The following PKIA variants were observed in gnomAD, a reference collection of about 807,000 sequenced individuals.
PKIA encodes PKI-alpha.
Under a neutral mutation model 7.6 loss-of-function variants are expected in PKIA, and 4 were observed. That is an observed-to-expected ratio of 0.52 (90% CI 0.26 to 1.20). The LOEUF (loss-of-function observed/expected upper bound fraction) is 1.20. Among genes scored for constraint, PKIA ranks in the 50% most tolerant of loss-of-function variants. The probability of loss-of-function intolerance (pLI) is 0.13; values close to 1 mark genes in which losing one functional copy is unlikely to be tolerated. For synonymous variants in PKIA, 21 were observed against 30.7 expected (o/e 0.68, Z 1.04); for missense variants, 73 against 86.2 (o/e 0.85, Z 0.61).
At chr8:78,568,748 A>C (rs1378841357) in intron 1 of PKIA, among the ~76,000 whole-genome samples, 1 of 152,184 alleles carries the variant, frequency 6.6e-6, no homozygotes, top group Non-Finnish European at 1.5e-5. Context: ...CCAAAGTATG[A>C]GAAAAGAGAT....
intron 1 of PKIA, among the ~76,000 whole-genome samples, chr8:78,538,593 T>C (rs1188118300): frequency 1.3e-5 from 2 of 152,028 alleles, no homozygotes; most frequent in African/African-American, 4.8e-5. Context: ...GTGTCAGGTA[T>C]ACGGTAGTAG....
At chr8:78,569,169 G>A (rs1807491598) in intron 1 of PKIA, among the ~76,000 whole-genome samples, 1 of 152,152 alleles carries the variant, frequency 6.6e-6, no homozygotes, top group African/African-American at 2.4e-5. Context: ...CCTGGGGTCA[G>A]GGGAGACCAG....
At chr8:78,558,909 T>A (rs1807216346) in intron 1 of PKIA, among the ~76,000 whole-genome samples, 1 of 152,094 alleles carries the variant, frequency 6.6e-6, no homozygotes, top group South Asian at 2.1e-4. Context: ...ATTTAATACA[T>A]TATGGGTTTG....
At chr8:78,576,558 C>T (rs1391389863) in intron 2 of PKIA, among the ~76,000 whole-genome samples, 14 of 151,808 alleles carry the variant, frequency 9.2e-5, no homozygotes, top group Non-Finnish European at 7.4e-5. Context: ...CCATTAGCCA[C>T]GTGTTTTTTT....
chr8:78,548,552 T>C (rs1806892930), intron 1 of PKIA, among the ~76,000 whole-genome samples: 1 of 152,108 alleles, frequency 6.6e-6, no homozygotes, highest in South Asian at 2.1e-4. Flanking sequence ...TACATCCACC[T>C]CACGTAGATC....
chr8:78,601,985 T>C lies in PKIA; in HGVS notation c.*164T>C. 1 of 600,520 alleles carries C rather than the reference T, an allele frequency of 1.7e-6. No individual in the cohort carries two copies. 37.2% of individuals were successfully genotyped at this position (600,520 alleles called of 1,614,324 possible). A position where few individuals can be genotyped will look rare whatever the true frequency, so the allele number is the denominator to read the frequency against. On this transcript the variant is annotated 3_prime_UTR_variant, in exon 4 of 4. Transcript: ENST00000396418. ...TAAAAATGAGGGCAGAGGCTGTGGC[T>C]GCAGGCAGACTTTTCCCTACCTCTG... is the stretch of plus-strand genomic sequence containing the variant.
At chr8:78,565,827 G>T (rs1429470042) in intron 1 of PKIA, among the ~76,000 whole-genome samples, 1 of 151,838 alleles carries the variant, frequency 6.6e-6, no homozygotes, top group African/African-American at 2.4e-5. Flanking sequence ...TTTCCTGACT[G>T]TGAGTTTCCA....
At chr8:78,537,873 T>C (rs766144984) in intron 1 of PKIA, among the ~76,000 whole-genome samples, 12 of 152,072 alleles carry the variant, frequency 7.9e-5, no homozygotes, top group Non-Finnish European at 1.5e-4. Context: ...TGAACCACCA[T>C]TGCTCTTCAT....
chr8:78,576,111 C>A (rs571616569), intron 2 of PKIA, among the ~76,000 whole-genome samples: 1 of 152,076 alleles, frequency 6.6e-6, no homozygotes, highest in South Asian at 2.1e-4. Flanking sequence ...ACCTAAATGA[C>A]TTCTTTAAAG....
chr8:78,522,766 GT>G (rs1293905932), intron 1 of PKIA, among the ~76,000 whole-genome samples: 3 of 151,778 alleles, frequency 2.0e-5, no homozygotes, highest in Non-Finnish European at 4.4e-5. Context: ...GTTTTTGTTT[GT>G]TTGTTTGCAC....
chr8:78,552,902 G>C (rs1807020786), intron 1 of PKIA, among the ~76,000 whole-genome samples: 1 of 151,798 alleles, frequency 6.6e-6, no homozygotes, highest in South Asian at 2.1e-4. Context: ...CAACATTGTA[G>C]AGATACATAA....
At chr8:78,556,391 AT>A (rs1335016427) in intron 1 of PKIA, 1 of 152,098 alleles carries the variant, frequency 6.6e-6, no homozygotes, top group African/African-American at 2.4e-5. Flanking sequence ...AAAAAAATCA[AT>A]TATCTAACAT....
chr8:78,599,686 C>T (rs1808309584), intron 3 of PKIA, among the ~76,000 whole-genome samples: 1 of 151,962 alleles, frequency 6.6e-6, no homozygotes, highest in East Asian at 1.9e-4. Context: ...CTGAGAAAGA[C>T]TGTATGGGGA....
chr8:78,576,587 A>G (rs888110724), intron 2 of PKIA, among the ~76,000 whole-genome samples: 24 of 152,130 alleles, frequency 1.6e-4, no homozygotes, highest in African/African-American at 5.5e-4. Flanking sequence ...AGATGTAAAT[A>G]AAATAAAATA....
At chr8:78,527,106 T>A (rs1806257138) in intron 1 of PKIA, among the ~76,000 whole-genome samples, 1 of 152,064 alleles carries the variant, frequency 6.6e-6, no homozygotes. Context: ...TCTTCATGTA[T>A]TCCTGGGAAC....
intron 2 of PKIA, among the ~76,000 whole-genome samples, chr8:78,579,291 G>A (rs1376085345): frequency 1.3e-5 from 2 of 151,890 alleles, no homozygotes; most frequent in Non-Finnish European, 2.9e-5. Context: ...ATCTTCCAAA[G>A]AAATTTAAAC....
chr8:78,549,733 A>C (rs1481610183), intron 1 of PKIA, among the ~76,000 whole-genome samples: 2 of 151,802 alleles, frequency 1.3e-5, no homozygotes, highest in Non-Finnish European at 2.9e-5. Context: ...TACCAAAAAA[A>C]AAAAAAAAAA....
At chr8:78,540,220 G>A (rs1011349072) in intron 1 of PKIA, among the ~76,000 whole-genome samples, 4 of 152,034 alleles carry the variant, frequency 2.6e-5, no homozygotes, top group Admixed American at 1.3e-4. Context: ...TATAGGTCTC[G>A]AGGGTGCCAG....
chr8:78,547,041 A>G (rs1806840686), intron 1 of PKIA, among the ~76,000 whole-genome samples: 1 of 152,216 alleles, frequency 6.6e-6, no homozygotes, highest in African/African-American at 2.4e-5. Flanking sequence ...ACAGTTAATC[A>G]TCACAAATAC....
Sources: allele counts gnomAD v4.1 joint callset (sites outside exome capture counted in the v4.1 genomes callset), GRCh38; gene constraint gnomAD v4.1.1; transcripts MANE v1.5; gene names NCBI Gene and HGNC (gene_info 2026-07-23, HGNC 2026-07-21).